Variants in GUCY1A2 observed in about 807,000 individuals in gnomAD.
GUCY1A2 encodes the protein guanylate cyclase soluble subunit alpha-2.
In GUCY1A2, 27 loss-of-function variants were observed where a neutral mutation model predicts 63.5. That is an observed-to-expected ratio of 0.43 (90% CI 0.31 to 0.59). The LOEUF (loss-of-function observed/expected upper bound fraction) is 0.59. GUCY1A2 is among the 20% of genes least tolerant of loss of function. The probability of loss-of-function intolerance (pLI) is 0.11; values close to 1 mark genes in which losing one functional copy is unlikely to be tolerated. For missense variants in GUCY1A2, 768 were observed against 913.3 expected (o/e 0.84, Z 2.05); for synonymous variants, 364 against 343.5 (o/e 1.06, Z -0.66).
intron 7 of GUCY1A2, among the ~76,000 whole-genome samples, chr11:106,688,634 A>C (rs1448068482): frequency 6.6e-6 from 1 of 152,304 alleles, no homozygotes; most frequent in South Asian, 2.1e-4. Context: ...TTTTAAAAAA[A>C]CCCAATAAAT....
At chr11:106,937,087 C>G (rs909673439) in intron 4 of GUCY1A2, among the ~76,000 whole-genome samples, 8 of 151,920 alleles carry the variant, frequency 5.3e-5, no homozygotes, top group African/African-American at 1.7e-4. Flanking sequence ...CTTTACTGAC[C>G]ATAGTATCAA....
chr11:106,973,518 T>C (rs1861223363), intron 3 of GUCY1A2, among the ~76,000 whole-genome samples: 2 of 152,188 alleles, frequency 1.3e-5, no homozygotes, highest in South Asian at 4.1e-4. Flanking sequence ...CCAAGTACAT[T>C]TGAAAGAGCA....
At chr11:106,957,767 A>T (rs1446304997) in intron 3 of GUCY1A2, among the ~76,000 whole-genome samples, 7 of 150,488 alleles carry the variant, frequency 4.7e-5, no homozygotes, top group Non-Finnish European at 7.4e-5. Context: ...TTTTTTTTTT[A>T]AATCACTAAA....
chr11:106,696,954 T>C (rs551723640), intron 7 of GUCY1A2, among the ~76,000 whole-genome samples: 1 of 152,330 alleles, frequency 6.6e-6, no homozygotes, highest in Non-Finnish European at 1.5e-5. Flanking sequence ...ATTAGTTAAG[T>C]CGCTTAAATT....
intron 5 of GUCY1A2, among the ~76,000 whole-genome samples, chr11:106,802,168 A>AG (rs1858613254): frequency 6.6e-6 from 1 of 152,196 alleles, no homozygotes; most frequent in Non-Finnish European, 1.5e-5. Context: ...GATTGCATTA[A>AG]GGCTATCCTA....
chr11:106,899,416 CTCA>C (rs539541584), intron 4 of GUCY1A2, among the ~76,000 whole-genome samples: 59 of 152,176 alleles, frequency 3.9e-4, no homozygotes, highest in African/African-American at 1.3e-3. Context: ...TTAGTAGCAG[CTCA>C]AAGCATGCTG....
At chr11:106,922,953 G>A (rs535659459) in intron 4 of GUCY1A2, among the ~76,000 whole-genome samples, 2 of 151,690 alleles carry the variant, frequency 1.3e-5, no homozygotes, top group South Asian at 2.1e-4. Context: ...GTCAAAATTC[G>A]GACTACCTGT....
chr11:106,710,372 T>C (rs1309791848), intron 6 of GUCY1A2, among the ~76,000 whole-genome samples: 1 of 119,278 alleles, frequency 8.4e-6, no homozygotes, highest in African/African-American at 3.2e-5. Context: ...GTATATAATA[T>C]AGTTATATAT....
chr11:106,768,637 C>T (rs1030055715), intron 6 of GUCY1A2, among the ~76,000 whole-genome samples: 2 of 152,052 alleles, frequency 1.3e-5, no homozygotes, highest in Admixed American at 6.6e-5. Flanking sequence ...AGCATATATA[C>T]ATATAAAATA....
intron 5 of GUCY1A2, among the ~76,000 whole-genome samples, chr11:106,789,254 T>C (rs1171489921): frequency 6.6e-6 from 1 of 152,206 alleles, no homozygotes; most frequent in Non-Finnish European, 1.5e-5. Flanking sequence ...TTCGGCTTGA[T>C]CAATTCTGCT....
At chr11:107,007,898 C>G (rs1265080007) in intron 1 of GUCY1A2, among the ~76,000 whole-genome samples, 1 of 141,152 alleles carries the variant, frequency 7.1e-6, no homozygotes, top group Admixed American at 9.7e-5. Flanking sequence ...TACAGATACA[C>G]ATTTCTTTAG....
chr11:106,898,446 G>A (rs1374336282), intron 4 of GUCY1A2, among the ~76,000 whole-genome samples: 2 of 152,152 alleles, frequency 1.3e-5, no homozygotes, highest in African/African-American at 4.8e-5. Flanking sequence ...AAGCAACCAA[G>A]ATGTCCTTCT....
At position 106,797,774 on chromosome 11, in the gene GUCY1A2, G is replaced by A. The variant is rs570963052; in HGVS notation, c.1692+12219C>T. Among the ~76,000 whole-genome samples, 14 of 152,164 alleles carry A rather than the reference G, an allele frequency of 9.2e-5. No homozygotes were observed. The South Asian group carries it at 2.9e-3, about 32-fold the overall frequency. On this transcript the variant is annotated intron_variant, in intron 5 of 7. Transcript: ENST00000526355. ...CTGGGACACATTCAAAGCAGTATGT[G>A]GAGGGAAATTTATAGCACTAAATGC...
chr11:107,006,950 G>A (rs752339228), intron 1 of GUCY1A2, among the ~76,000 whole-genome samples: 2 of 152,096 alleles, frequency 1.3e-5, no homozygotes, highest in Non-Finnish European at 1.5e-5. Context: ...TCACCAGAAC[G>A]AATTTCTACC....
At chr11:106,870,829 T>G (rs976697716) in intron 4 of GUCY1A2, among the ~76,000 whole-genome samples, 5 of 152,162 alleles carry the variant, frequency 3.3e-5, no homozygotes, top group African/African-American at 1.2e-4. Flanking sequence ...TGTATGTGGT[T>G]TCGCCTAAAG....
intron 6 of GUCY1A2, among the ~76,000 whole-genome samples, chr11:106,709,468 ATAT>A (rs1229525094): frequency 1.1e-5 from 1 of 87,424 alleles, no homozygotes; most frequent in Non-Finnish European, 2.0e-5. Flanking sequence ...TTATAGAATA[ATAT>A]ATATTATTAT....
chr11:106,939,396 A>C (rs1860720868), intron 4 of GUCY1A2, 64 bp downstream of exon 4: 1 of 818,734 alleles, frequency 1.2e-6, no homozygotes, highest in South Asian at 1.7e-5. Context: ...GCCACCATGT[A>C]ATTTACTGAA....
chr11:106,896,930 A>T (rs1860058501), intron 4 of GUCY1A2, among the ~76,000 whole-genome samples: 1 of 152,232 alleles, frequency 6.6e-6, no homozygotes. Context: ...CAGAGATCAC[A>T]TGAATATCTA....
intron 6 of GUCY1A2, among the ~76,000 whole-genome samples, chr11:106,739,187 G>A (rs1038067252): frequency 6.6e-6 from 1 of 151,946 alleles, no homozygotes; most frequent in Non-Finnish European, 1.5e-5. Flanking sequence ...GATTTGGCTC[G>A]CTGTTTGTCT....
Sources: gnomAD v4.1 joint callset for allele counts (sites outside exome capture counted in the v4.1 genomes callset) on GRCh38, gnomAD v4.1.1 for gene constraint, MANE v1.5 for transcripts, NCBI Gene and HGNC (gene_info 2026-07-23, HGNC 2026-07-21) for gene names.